CNTN6: variants seen among roughly 807,000 people sequenced by gnomAD.
CNTN6 encodes the protein contactin-6.
A neutral mutation model predicts 122.8 loss-of-function variants in CNTN6; 137 were observed. The observed-to-expected ratio is 1.12, with a 90% CI of 0.97 to 1.29. The LOEUF (loss-of-function observed/expected upper bound fraction) is 1.29, where lower values mean the gene tolerates loss of function less well. CNTN6 is among the 50% of genes most tolerant of loss of function. The probability of loss-of-function intolerance (pLI) is 0.00; values close to 1 mark genes in which losing one functional copy is unlikely to be tolerated. For synonymous variants in CNTN6, 570 were observed against 426.0 expected, an observed-to-expected ratio of 1.34 and a Z score of -4.16; for missense variants, 1,634 against 1,223.4, an observed-to-expected ratio of 1.34 and a Z score of -5.01.
intron 20 of CNTN6, among the ~76,000 whole-genome samples, chr3:1,387,561 G>A (rs941143287): frequency 5.3e-5 from 8 of 152,168 alleles, no homozygotes; most frequent in Non-Finnish European, 1.2e-4. Context: ...CTTGTGTGTA[G>A]GGGGAGGAGC....
At chr3:1,326,015 T>C (rs1163259327) in intron 9 of CNTN6, 64 bp downstream of exon 9, 7 of 1,404,250 alleles carry the variant, frequency 5.0e-6, no homozygotes, top group East Asian at 2.3e-5. Flanking sequence ...TTACTAACAG[T>C]ACTAGTAACT....
At chr3:1,172,626 G>C (rs557638011) in intron 2 of CNTN6, among the ~76,000 whole-genome samples, 601 of 30,288 alleles carry the variant, frequency 0.02, 5 homozygotes, top group African/African-American at 0.078. Flanking sequence ...CTCTCTGTGT[G>C]TGTGTGTGTG....
At chr3:1,096,459 CA>C (rs2090533056) in intron 1 of CNTN6, among the ~76,000 whole-genome samples, 1 of 152,156 alleles carries the variant, frequency 6.6e-6, no homozygotes, top group African/African-American at 2.4e-5. Context: ...TCTTCAGGAT[CA>C]CCAATTTTGT....
intron 17 of CNTN6, among the ~76,000 whole-genome samples, chr3:1,381,914 G>C (rs1293773677): frequency 6.6e-6 from 1 of 151,724 alleles, no homozygotes; most frequent in African/African-American, 2.4e-5. Context: ...TCACCAAGAC[G>C]GTGCCTGTGG....
At position 1,295,777 on chromosome 3, in the gene CNTN6, C is replaced by A. The variant is rs762374833; in HGVS notation, c.631C>A (p.Pro211Thr). ...KEAQRSVQGP[P>T]TPLVQRTDGV... ...GGCCCAGAGAAGTGTTCAAGGTCCA[C>A]CCACTCCATTAGTGCAGCGCACTGA... The change falls in exon 6 of 23, where the codon CCC becomes ACC. Residue 211 changes from proline to threonine, a missense_variant. Pro to Thr is a conservative substitution (Grantham distance 38, BLOSUM62 -1). Transcript: ENST00000446702. 3 of 1,613,792 alleles carry A rather than the reference C, an allele frequency of 1.9e-6. No individual in the cohort carries two copies. The highest frequency in any genetic ancestry group is 3.3e-5 in the Admixed American group (2 of 59,982).
intron 2 of CNTN6, among the ~76,000 whole-genome samples, chr3:1,186,973 AAG>A (rs2093636801): frequency 1.3e-5 from 2 of 152,262 alleles, no homozygotes; most frequent in South Asian, 2.1e-4. Context: ...CAAAGAGGAA[AAG>A]AGAAGTTGAG....
chr3:1,232,804 A>T (rs1367218565), intron 4 of CNTN6, among the ~76,000 whole-genome samples: 1 of 152,202 alleles, frequency 6.6e-6, no homozygotes, highest in Non-Finnish European at 1.5e-5. Flanking sequence ...TCTGAATTGG[A>T]GAAAAGGCAA....
At chr3:1,168,534 G>A (rs4684777) in intron 2 of CNTN6, among the ~76,000 whole-genome samples, 14,687 of 151,244 alleles carry the variant, frequency 0.097, 847 homozygotes, top group Non-Finnish European at 0.14. Context: ...AACAAGAGAC[G>A]AGCTCTGAGA....
At chr3:1,200,771 G>C (rs556697494) in intron 2 of CNTN6, among the ~76,000 whole-genome samples, 1 of 152,104 alleles carries the variant, frequency 6.6e-6, no homozygotes, top group Non-Finnish European at 1.5e-5. Context: ...ATAACTTCAT[G>C]TCACTTTGGT....
intron 4 of CNTN6, among the ~76,000 whole-genome samples, chr3:1,251,263 C>T (rs1446920526): frequency 6.6e-6 from 1 of 152,072 alleles, no homozygotes; most frequent in African/African-American, 2.4e-5. Context: ...TCTAAAGTTG[C>T]CAGTTCCACC....
chr3:1,257,571 A>G (rs940406891), intron 4 of CNTN6, among the ~76,000 whole-genome samples: 6 of 152,202 alleles, frequency 3.9e-5, no homozygotes, highest in South Asian at 2.1e-4. Flanking sequence ...AATTTCCCCA[A>G]TTCCATTTAA....
chr3:1,155,023 T>C (rs1429047397), intron 2 of CNTN6, among the ~76,000 whole-genome samples: 1 of 152,180 alleles, frequency 6.6e-6, no homozygotes, highest in African/African-American at 2.4e-5. Context: ...CTTTCCATTA[T>C]ACCCATCTCC....
chr3:1,135,810 C>G (rs1470178418), intron 1 of CNTN6, among the ~76,000 whole-genome samples: 1 of 152,062 alleles, frequency 6.6e-6, no homozygotes, highest in African/African-American at 2.4e-5. Flanking sequence ...CTGACCAACA[C>G]AGTGAAACGA....
chr3:1,143,763 G>A (rs752702584), intron 1 of CNTN6, among the ~76,000 whole-genome samples: 2 of 152,110 alleles, frequency 1.3e-5, no homozygotes, highest in Non-Finnish European at 1.5e-5. Context: ...AACATCTTTC[G>A]GGCTTTGGCC....
At chr3:1,233,012 G>C (rs1342285286) in intron 4 of CNTN6, among the ~76,000 whole-genome samples, 1 of 152,122 alleles carries the variant, frequency 6.6e-6, no homozygotes, top group African/African-American at 2.4e-5. Flanking sequence ...AGAAAGCTAG[G>C]GATCAGAAAT....
At position 1,129,902 on chromosome 3, in the gene CNTN6, A is replaced by T. The variant is rs1239602091; in HGVS notation, c.-82-18025A>T. Among the ~76,000 whole-genome samples the T allele has an allele frequency of 3.9e-5, 6 of 152,102 alleles. No individual in the cohort carries two copies. The East Asian group carries it at 1.2e-3, about 29-fold the overall frequency. On this transcript the variant is annotated intron_variant, in intron 1 of 22. Transcript: ENST00000446702. ...TTGTATAAAATAGTTTGTTTTTTAA[A>T]AACAGTTTTTCAAGACTTTTATAAA...
At chr3:1,132,658 AAAATAAATAAAT>A (rs71303111) in intron 1 of CNTN6, among the ~76,000 whole-genome samples, 56 of 144,506 alleles carry the variant, frequency 3.9e-4, no homozygotes, top group African/African-American at 1.3e-3. Context: ...CTCTGTCTAA[AAAATAAATAAAT>A]AAATAAATAA....
At chr3:1,112,351 T>G (rs1273003057) in intron 1 of CNTN6, among the ~76,000 whole-genome samples, 1 of 152,052 alleles carries the variant, frequency 6.6e-6, no homozygotes, top group East Asian at 1.9e-4. Flanking sequence ...GGACAGGCCT[T>G]TTGCAAGATG....
chr3:1,328,765 C>G (rs1222255723), intron 10 of CNTN6, among the ~76,000 whole-genome samples: 1 of 151,472 alleles, frequency 6.6e-6, no homozygotes, highest in African/African-American at 2.4e-5. Context: ...CATGGCATAC[C>G]CGAAAGAACT....
Sources: gnomAD v4.1 joint callset for allele counts (sites outside exome capture counted in the v4.1 genomes callset) on GRCh38, gnomAD v4.1.1 for gene constraint, MANE v1.5 for transcripts, NCBI Gene and HGNC (gene_info 2026-07-23, HGNC 2026-07-21) for gene names.